The following HKDC1 variants were observed in gnomAD, a reference collection of about 807,000 sequenced individuals.
HKDC1 encodes hexokinase HKDC1.
A neutral mutation model predicts 96.6 loss-of-function variants in HKDC1; 66 were observed. The observed-to-expected ratio is 0.68, with a 90% CI of 0.56 to 0.84. The LOEUF (loss-of-function observed/expected upper bound fraction) is 0.84, where lower values mean the gene tolerates loss of function less well. HKDC1 is among the 40% of genes least tolerant of loss of function. HKDC1 has a pLI of 0.00. For synonymous variants in HKDC1, 466 were observed against 473.1 expected, an observed-to-expected ratio of 0.98 and a Z score of 0.20; for missense variants, 1,211 against 1,208.1, an observed-to-expected ratio of 1.00 and a Z score of -0.04.
intron 4 of HKDC1, among the ~76,000 whole-genome samples, chr10:69,234,164 G>C (rs1843325169): frequency 6.6e-6 from 1 of 152,174 alleles, no homozygotes; most frequent in Middle Eastern, 3.2e-3. Flanking sequence ...TCCTGTCTGG[G>C]TTGGGGACCC....
intron 10 of HKDC1, 50 bp downstream of exon 10, chr10:69,248,778 A>G: frequency 1.3e-6 from 2 of 1,491,126 alleles, no homozygotes; most frequent in Non-Finnish European, 1.8e-6. Context: ...GGCTCCCGTC[A>G]AAACTCCTTA....
chr10:69,243,232 G>C lies in HKDC1; in HGVS notation c.742G>C (p.Val248Leu). Residue 248 changes from valine to leucine, a missense_variant, in exon 7 of 18, where the codon GTG becomes CTG. Transcript: ENST00000354624. Reference protein sequence around the residue: ...YMEDMSNIDLVEGDEGRMCIN... With the variant: ...YMEDMSNIDLLEGDEGRMCIN... ...GGAGGACATGAGCAACATTGACCTG[G>C]TGGAGGGCGACGAGGGCAGGATGTG... 6.2e-7 allele frequency: 1 copy of C among 1,614,232 alleles called. No individual in the cohort carries two copies. The highest frequency in any genetic ancestry group is 8.5e-7 in the Non-Finnish European group (1 of 1,180,038).
At chr10:69,264,499 A>G (rs1843861680) in intron 16 of HKDC1, among the ~76,000 whole-genome samples, 1 of 151,890 alleles carries the variant, frequency 6.6e-6, no homozygotes, top group Admixed American at 6.6e-5. Context: ...TCAGCCTCCA[A>G]ATAGGGACTA....
intron 5 of HKDC1, among the ~76,000 whole-genome samples, chr10:69,240,369 A>G (rs534157436): frequency 6.6e-6 from 1 of 152,228 alleles, no homozygotes; most frequent in East Asian, 1.9e-4. Context: ...ATCGACAACA[A>G]AAAACAAGGG....
chr10:69,253,803 C>G (rs1423335562), intron 12 of HKDC1, among the ~76,000 whole-genome samples: 1 of 152,206 alleles, frequency 6.6e-6, no homozygotes, highest in Admixed American at 6.5e-5. Context: ...GGTGAATTCT[C>G]TGCAATCCCT....
intron 1 of HKDC1, among the ~76,000 whole-genome samples, chr10:69,221,032 C>G (rs929181707): frequency 6.6e-6 from 1 of 152,080 alleles, no homozygotes; most frequent in Admixed American, 6.6e-5. Context: ...CACCTGTAAT[C>G]CCATCTACTC....
chr10:69,240,892 T>G (rs927654380), intron 6 of HKDC1, 141 bp downstream of exon 6: 17 of 623,730 alleles, frequency 2.7e-5, no homozygotes, highest in Non-Finnish European at 4.1e-5. Flanking sequence ...AAAAATTCAT[T>G]CATTCATCCA....
chr10:69,227,108 G>T, intron 1 of HKDC1, 99 bp from the exon 2 acceptor site: 1 of 1,343,048 alleles, frequency 7.4e-7, no homozygotes, highest in East Asian at 2.3e-5. Context: ...TGTCCCCAGA[G>T]TCAGGAATGC....
At chr10:69,248,378 C>G (rs556690540) in intron 9 of HKDC1, 46 bp from the exon 10 acceptor site, 4 of 1,523,420 alleles carry the variant, frequency 2.6e-6, no homozygotes, top group Non-Finnish European at 3.5e-6. Context: ...GTGCCTGAGC[C>G]TGGCCTTTAT....
chr10:69,229,838 C>T (rs888879149), intron 2 of HKDC1, among the ~76,000 whole-genome samples: 1 of 152,164 alleles, frequency 6.6e-6, no homozygotes, highest in Non-Finnish European at 1.5e-5. Flanking sequence ...CCTAATAAGC[C>T]AGGTGTTCTT....
intron 15 of HKDC1, among the ~76,000 whole-genome samples, chr10:69,259,767 G>A (rs1843778663): frequency 6.6e-6 from 1 of 152,094 alleles, no homozygotes; most frequent in African/African-American, 2.4e-5. Context: ...GAGTGAAGGG[G>A]GAGGCGTTAC....
Position 69,250,376 on chromosome 10 carries a change from C to G in HKDC1, c.1657C>G (p.Arg553Gly), listed in dbSNP as rs200078170. ...VKIRSGRRSV[R>G]MYNKIFAIPL... ...GATCAGAAGTGGACGGAGGTCAGTG[C>G]GAATGTACAACAAGATCTTCGCCAT... is the stretch of plus-strand genomic sequence containing the variant. The change falls in exon 11 of 18, where the codon CGA becomes GGA. Residue 553 changes from arginine (R) to glycine (G), a missense_variant. Physicochemically the swap from Arg to Gly is moderately radical, Grantham distance 125. Transcript: ENST00000354624. The G allele has an allele frequency of 6.8e-6, 11 of 1,613,942 alleles. No individual in the cohort carries two copies. The highest frequency in any genetic ancestry group is 1.6e-4 in the Middle Eastern group (1 of 6,074).
At chr10:69,253,195 G>T (rs186560786) in intron 12 of HKDC1, among the ~76,000 whole-genome samples, 1 of 152,276 alleles carries the variant, frequency 6.6e-6, no homozygotes, top group African/African-American at 2.4e-5. Flanking sequence ...ACTGGGCTAA[G>T]CTCTTAGACT....
In HKDC1 at chr10:69,229,122, A is replaced by C. The variant is rs1342414397; in HGVS notation, c.226+1753A>C. Among the ~76,000 whole-genome samples the C allele has an allele frequency of 2.6e-5, 4 of 152,326 alleles. No homozygotes were observed. The East Asian group carries it at 7.7e-4, about 29-fold the overall frequency. ...GTTCAGACAGAACCACCAAGGACCA[A>C]GGGGTTTCTCCCATGTCAGGGTCCC... On this transcript the variant is annotated intron_variant, in intron 2 of 17. Transcript: ENST00000354624.
At chr10:69,229,469 G>A (rs1451087460) in intron 2 of HKDC1, among the ~76,000 whole-genome samples, 1 of 152,204 alleles carries the variant, frequency 6.6e-6, no homozygotes, top group Non-Finnish European at 1.5e-5. Context: ...GTACTGGGAC[G>A]TGTCCTTGAC....
chr10:69,223,767 T>C (rs1843105408), intron 1 of HKDC1, among the ~76,000 whole-genome samples: 1 of 150,696 alleles, frequency 6.6e-6, no homozygotes, highest in South Asian at 2.1e-4. Context: ...GTATTTTTAG[T>C]AGAGACAGGG....
intron 7 of HKDC1, 131 bp downstream of exon 7, chr10:69,243,496 T>G: frequency 1.3e-6 from 1 of 759,624 alleles, no homozygotes; most frequent in Non-Finnish European, 1.9e-6. Context: ...TTTTTTCTTT[T>G]TCCTTTTTTT....
intron 7 of HKDC1, among the ~76,000 whole-genome samples, chr10:69,245,684 G>A (rs980981166): frequency 1.1e-4 from 16 of 152,052 alleles, no homozygotes; most frequent in Admixed American, 7.9e-4. Flanking sequence ...GGTAGCCATG[G>A]CAATGTTAAA....
chr10:69,241,905 A>C (rs976781567), intron 6 of HKDC1, among the ~76,000 whole-genome samples: 1 of 152,204 alleles, frequency 6.6e-6, no homozygotes, highest in Non-Finnish European at 1.5e-5. Flanking sequence ...GGTGCACTGC[A>C]GCTGTGGACC....
Sources: allele counts gnomAD v4.1 joint callset (sites outside exome capture counted in the v4.1 genomes callset), GRCh38; gene constraint gnomAD v4.1.1; transcripts MANE v1.5; gene names NCBI Gene and HGNC (gene_info 2026-07-23, HGNC 2026-07-21).